The following PKIG variants were observed in gnomAD, a reference collection of about 807,000 sequenced individuals.
PKIG encodes the protein cAMP-dependent protein kinase inhibitor gamma.
A neutral mutation model predicts 6.8 loss-of-function variants in PKIG; 1 was observed. The ratio of observed to expected loss-of-function variants is 0.15; its 90% CI spans 0.05 to 0.69. The LOEUF is 0.69. PKIG is among the 30% of genes least tolerant of loss of function. The probability of loss-of-function intolerance (pLI) is 0.82; values close to 1 mark genes in which losing one functional copy is unlikely to be tolerated. For synonymous variants in PKIG, 39 were observed against 43.0 expected (o/e 0.91, Z 0.36); for missense variants, 77 against 104.0 (o/e 0.74, Z 1.13).
upstream of PKIG, among the ~76,000 whole-genome samples, chr20:44,582,300 C>T (rs967644506): frequency 6.6e-6 from 1 of 152,134 alleles, no homozygotes; most frequent in Non-Finnish European, 1.5e-5. Flanking sequence ...TACCCAGGAA[C>T]CCTGGCTCAG....
chr20:44,553,737 G>A (rs974118414), intron 1 of PKIG, among the ~76,000 whole-genome samples: 4 of 152,208 alleles, frequency 2.6e-5, no homozygotes, highest in African/African-American at 9.7e-5. Flanking sequence ...TAAGGGAACA[G>A]AGAGATGCCT....
chr20:44,536,933 T>G (rs997603746), intron 1 of PKIG, among the ~76,000 whole-genome samples: 4 of 152,196 alleles, frequency 2.6e-5, no homozygotes, highest in African/African-American at 9.6e-5. Flanking sequence ...TTTTGTTTTT[T>G]TGTGTGTGTT....
upstream of PKIG, among the ~76,000 whole-genome samples, chr20:44,580,450 ATTC>A (rs546312550): frequency 2.3e-4 from 35 of 151,958 alleles, no homozygotes; most frequent in Non-Finnish European, 4.3e-4. Context: ...GGTTCAAGCA[ATTC>A]TTCTGTCTCA....
intron 1 of PKIG, among the ~76,000 whole-genome samples, chr20:44,545,291 A>G (rs764762845): frequency 6.6e-6 from 1 of 152,110 alleles, no homozygotes; most frequent in Non-Finnish European, 1.5e-5. Context: ...AGTGACAATC[A>G]ATAAGAATCA....
At chr20:44,589,716 T>A (rs2065019489) in intron 1 of PKIG, 81 bp from the exon 2 acceptor site, 1 of 152,294 alleles carries the variant, frequency 6.6e-6, no homozygotes, top group Non-Finnish European at 1.5e-5. Flanking sequence ...TATTGTCAAC[T>A]TGTCTTCCCA....
intron 1 of PKIG, among the ~76,000 whole-genome samples, chr20:44,558,042 T>TTC (rs3042701): frequency 0.24 from 36,379 of 151,406 alleles, 5,861 homozygotes; most frequent in African/African-American, 0.47. Context: ...TAATAAAACT[T>TTC]TGTCTTTAAA....
At chr20:44,562,790 G>T (rs1005802770) in intron 1 of PKIG, among the ~76,000 whole-genome samples, 7 of 152,142 alleles carry the variant, frequency 4.6e-5, no homozygotes, top group Admixed American at 4.6e-4. Context: ...TGGGCATGGT[G>T]GCTCACGCCT....
chr20:44,598,096 C>G (rs2065089983), intron 2 of PKIG, among the ~76,000 whole-genome samples: 1 of 152,186 alleles, frequency 6.6e-6, no homozygotes, highest in South Asian at 2.1e-4. Context: ...TTGGGGCCAG[C>G]ACCGCTGAAG....
chr20:44,532,938 A>G (rs537860587), intron 1 of PKIG, among the ~76,000 whole-genome samples: 1 of 152,226 alleles, frequency 6.6e-6, no homozygotes, highest in African/African-American at 2.4e-5. Flanking sequence ...GTCTGGCTAG[A>G]TGGTGTTTGA....
At chr20:44,550,373 C>T (rs1301346019) in intron 1 of PKIG, among the ~76,000 whole-genome samples, 1 of 151,168 alleles carries the variant, frequency 6.6e-6, no homozygotes, top group African/African-American at 2.4e-5. Context: ...GAAATTTAGC[C>T]ATATTAATGC....
At chr20:44,544,591 AG>A (rs1386129078) in intron 1 of PKIG, among the ~76,000 whole-genome samples, 4 of 152,236 alleles carry the variant, frequency 2.6e-5, no homozygotes, top group African/African-American at 9.6e-5. Flanking sequence ...TCTTTGAGGC[AG>A]GAAGAAGTAG....
chr20:44,595,187 C>G (rs1050281899), intron 2 of PKIG, among the ~76,000 whole-genome samples: 1 of 152,192 alleles, frequency 6.6e-6, no homozygotes, highest in Non-Finnish European at 1.5e-5. Context: ...GGGTTAAGAG[C>G]CCCCTGTGAT....
chr20:44,532,176 G>C (rs1408347637), intron 1 of PKIG, among the ~76,000 whole-genome samples: 1 of 152,280 alleles, frequency 6.6e-6, no homozygotes, highest in Non-Finnish European at 1.5e-5. Flanking sequence ...GTCCGTTTTC[G>C]GCTGTTTATT....
At chr20:44,562,321 A>C (rs552784148) in intron 1 of PKIG, among the ~76,000 whole-genome samples, 144 of 152,210 alleles carry the variant, frequency 9.5e-4, no homozygotes, top group African/African-American at 3.4e-3. Context: ...AACCAAAATC[A>C]AGAATGAAAA....
intron 2 of PKIG, among the ~76,000 whole-genome samples, chr20:44,601,550 C>T (rs1028632770): frequency 1.3e-5 from 2 of 152,216 alleles, no homozygotes; most frequent in Non-Finnish European, 2.9e-5. Context: ...GGCTTTCTAT[C>T]ACAGAGAGAA....
At chr20:44,563,349 A>G (rs1400443086) in intron 1 of PKIG, among the ~76,000 whole-genome samples, 3 of 152,098 alleles carry the variant, frequency 2.0e-5, no homozygotes, top group Non-Finnish European at 2.9e-5. Flanking sequence ...ACAAACTACC[A>G]AAGTTTTGTG....
intron 1 of PKIG, chr20:44,564,243 C>T (rs989544908): frequency 3.9e-5 from 6 of 152,200 alleles, no homozygotes; most frequent in African/African-American, 9.7e-5. Context: ...GTATCTTGAT[C>T]ATCTCTTAGG....
At chr20:44,612,934 A>G (rs996571324) in intron 2 of PKIG, among the ~76,000 whole-genome samples, 4 of 152,206 alleles carry the variant, frequency 2.6e-5, no homozygotes, top group African/African-American at 9.7e-5. Context: ...AGAGTAAATC[A>G]TGGCCCATCC....
chr20:44,557,099 T>G (rs1304087297), intron 1 of PKIG, among the ~76,000 whole-genome samples: 1 of 152,186 alleles, frequency 6.6e-6, no homozygotes, highest in Non-Finnish European at 1.5e-5. Context: ...TTATTGGGAT[T>G]TTCAGTGTAT....
Sources: gnomAD v4.1 joint callset for allele counts (sites outside exome capture counted in the v4.1 genomes callset) on GRCh38, gnomAD v4.1.1 for gene constraint, MANE v1.5 for transcripts, NCBI Gene and HGNC (gene_info 2026-07-23, HGNC 2026-07-21) for gene names.